LRIG1: variants seen among roughly 807,000 people sequenced by gnomAD.
The protein encoded by LRIG1 is leucine-rich repeats and immunoglobulin-like domains protein 1.
LRIG1 carries 48 observed loss-of-function variants against 99.2 expected under a neutral mutation model. The ratio of observed to expected loss-of-function variants is 0.48; its 90% confidence interval spans 0.38 to 0.62. The LOEUF is 0.62. Among genes scored for constraint, LRIG1 ranks in the 20% least tolerant of loss-of-function variants. LRIG1 has a pLI of 0.00. For synonymous variants in LRIG1, 772 were observed against 596.1 expected, an observed-to-expected ratio of 1.29 and a Z score of -4.30; for missense variants, 1,646 against 1,434.4, an observed-to-expected ratio of 1.15 and a Z score of -2.38.
At chr3:66,440,180 C>T (rs1416347206) in intron 3 of LRIG1, among the ~76,000 whole-genome samples, 1 of 152,030 alleles carries the variant, frequency 6.6e-6, no homozygotes, top group Non-Finnish European at 1.5e-5. Flanking sequence ...ACCTGGAGAG[C>T]TTTTTTAAAA....
At chr3:66,408,044 C>G (rs1478133272) in intron 7 of LRIG1, among the ~76,000 whole-genome samples, 2 of 152,212 alleles carry the variant, frequency 1.3e-5, no homozygotes, top group African/African-American at 4.8e-5. Flanking sequence ...CTCCCTGCCC[C>G]CATCCACGTG....
chr3:66,380,288 G>A lies in LRIG1; in HGVS notation c.3257C>T (p.Pro1086Leu). The A allele has an allele frequency of 5.0e-6, 8 of 1,613,552 alleles. No homozygotes were observed. The highest frequency in any genetic ancestry group is 2.2e-5 in the East Asian group (1 of 44,870). The change falls in exon 19 of 19, where the codon CCA becomes CTA. Residue 1086 changes from proline (P) to leucine (L), a missense_variant. By Grantham distance (98) the Pro-to-Leu change is moderately conservative. Coordinates refer to ENST00000273261, the MANE Select transcript of LRIG1 (RefSeq NM_015541.3). Reference sequence around the variant, plus strand: ...CTAGCTTTTTGGTGCCAACAGCAGTGGCACCCTCTGTTTCCCGGGGAGCTG... The same window carrying A: ...CTAGCTTTTTGGTGCCAACAGCAGTAGCACCCTCTGTTTCCCGGGGAGCTG... The part of the protein sequence containing the change: ...TGQLPGKQRV[P>L]LLLAPKS
At chr3:66,433,016 C>T (rs918438829) in intron 3 of LRIG1, among the ~76,000 whole-genome samples, 2 of 152,222 alleles carry the variant, frequency 1.3e-5, no homozygotes, top group Non-Finnish European at 2.9e-5. Flanking sequence ...CCAGCCAGAC[C>T]ACCTCTATTT....
intron 3 of LRIG1, among the ~76,000 whole-genome samples, chr3:66,435,033 ACATTCTAGATGTC>A (rs1174082161): frequency 6.6e-6 from 1 of 151,798 alleles, no homozygotes; most frequent in Non-Finnish European, 1.5e-5. Context: ...CAAACTGGAA[ACATTCTAGATGTC>A]CTTCATCGGG....
chr3:66,406,353 G>A, intron 8 of LRIG1: 8 of 985,602 alleles, frequency 8.1e-6, no homozygotes, highest in Non-Finnish European at 9.6e-6. Flanking sequence ...GGCTGCCAAA[G>A]TTTTTCTCTC....
chr3:66,415,167 G>T, intron 4 of LRIG1, 104 bp from the exon 5 acceptor site: 1 of 1,166,656 alleles, frequency 8.6e-7, no homozygotes, highest in East Asian at 2.5e-5. Context: ...GATGAGTTAA[G>T]ACACCAGAGG....
chr3:66,453,082 C>A (rs1385925458), intron 2 of LRIG1, among the ~76,000 whole-genome samples: 1 of 152,228 alleles, frequency 6.6e-6, no homozygotes, highest in South Asian at 2.1e-4. Context: ...CTCAGGGACA[C>A]TGAAAACTCC....
chr3:66,494,495 T>C (rs1260919891), intron 1 of LRIG1, among the ~76,000 whole-genome samples: 1 of 151,860 alleles, frequency 6.6e-6, no homozygotes, highest in Non-Finnish European at 1.5e-5. Flanking sequence ...TTAGAAGATA[T>C]AAAGAACTAA....
chr3:66,418,713 G>A (rs1464543865), intron 3 of LRIG1, among the ~76,000 whole-genome samples: 2 of 152,178 alleles, frequency 1.3e-5, no homozygotes, highest in Admixed American at 1.3e-4. Context: ...CTTACCAAGT[G>A]GCATCTCCTT....
At chr3:66,438,016 C>T (rs1265857326) in intron 3 of LRIG1, among the ~76,000 whole-genome samples, 1 of 152,084 alleles carries the variant, frequency 6.6e-6, no homozygotes, top group Non-Finnish European at 1.5e-5. Context: ...ACGAAGGGAC[C>T]CTTCATTCAT....
At chr3:66,498,322 G>A (rs1250860897) in intron 1 of LRIG1, 2 of 152,086 alleles carry the variant, frequency 1.3e-5, no homozygotes, top group South Asian at 4.1e-4. Flanking sequence ...GTCACTCCTA[G>A]GCAACAGAAA....
chr3:66,443,086 G>T (rs900381556), intron 3 of LRIG1, among the ~76,000 whole-genome samples: 2 of 152,160 alleles, frequency 1.3e-5, no homozygotes, highest in Admixed American at 6.5e-5. Flanking sequence ...TGCTTAGACT[G>T]GGGGCAAGTG....
intron 3 of LRIG1, among the ~76,000 whole-genome samples, chr3:66,447,831 TG>T (rs1193785700): frequency 2.0e-5 from 3 of 152,238 alleles, no homozygotes; most frequent in Non-Finnish European, 2.9e-5. Flanking sequence ...ATGTCATTGA[TG>T]CATCAGACAA....
At chr3:66,458,101 A>G (rs1380154058) in intron 2 of LRIG1, among the ~76,000 whole-genome samples, 1 of 152,218 alleles carries the variant, frequency 6.6e-6, no homozygotes, top group Non-Finnish European at 1.5e-5. Context: ...CTCTTCTGCA[A>G]AGCAGAGAAA....
chr3:66,460,252 AAACCACT>A (rs1700325919), intron 2 of LRIG1, among the ~76,000 whole-genome samples: 1 of 152,196 alleles, frequency 6.6e-6, no homozygotes, highest in Non-Finnish European at 1.5e-5. Flanking sequence ...GTCCTAAAAG[AAACCACT>A]AAGTTTGGAG....
rs142523690 is a variant in LRIG1, at chr3:66,382,336, G to C, written c.2554C>G (p.Arg852Gly). 2 of 1,614,138 alleles carry C rather than the reference G, an allele frequency of 1.2e-6. No homozygotes were observed. Among genetic ancestry groups the C allele is most frequent in the African/African-American group, 1.3e-5 (1 of 75,012 alleles). The change falls in exon 16 of 19, where the codon CGA (arginine) becomes GGA (glycine). Residue 852 changes from arginine (R) to glycine (G), a missense_variant. Arg to Gly is a moderately radical substitution (Grantham distance 125). Coordinates refer to ENST00000273261, the MANE Select transcript of LRIG1 (RefSeq NM_015541.3). ...TCGGTCCTGACCACGGTTTCTTGTC[G>C]GTCAGAAAGGGTCCCCTGAGAAGAG... ...YLSSQGTLSD[R>G]QETVVRTEGG...
chr3:66,438,268 C>T (rs958960871), intron 3 of LRIG1, among the ~76,000 whole-genome samples: 1 of 152,178 alleles, frequency 6.6e-6, no homozygotes, highest in African/African-American at 2.4e-5. Flanking sequence ...CGGCCTTCTC[C>T]ACAGAATTCA....
At chr3:66,405,732 G>C (rs748938362) in intron 8 of LRIG1, 10 of 1,116,440 alleles carry the variant, frequency 9.0e-6, no homozygotes, top group African/African-American at 1.6e-5. Context: ...GCACAGGGCC[G>C]GCCCGTGGGC....
At chr3:66,401,658 A>G in intron 9 of LRIG1, 1 of 1,530,376 alleles carries the variant, frequency 6.5e-7, no homozygotes, top group Non-Finnish European at 8.7e-7. Context: ...CAGCCAGCAG[A>G]CTGGGATGGC....
Sources: allele counts gnomAD v4.1 joint callset (sites outside exome capture counted in the v4.1 genomes callset), GRCh38; gene constraint gnomAD v4.1.1; transcripts MANE v1.5; gene names NCBI Gene and HGNC (gene_info 2026-07-23, HGNC 2026-07-21).